The following KCNJ6 variants were observed in gnomAD, a reference collection of about 807,000 sequenced individuals.
KCNJ6 encodes G protein-activated inward rectifier potassium channel 2.
KCNJ6 carries 9 observed loss-of-function variants against 34.2 expected under a neutral mutation model. That is an observed-to-expected ratio of 0.26 (90% CI 0.16 to 0.46). The LOEUF (loss-of-function observed/expected upper bound fraction) is 0.46, where lower values mean the gene tolerates loss of function less well. KCNJ6 is among the 20% of genes least tolerant of loss of function. KCNJ6 has a pLI of 1.00. For synonymous variants in KCNJ6, 196 were observed against 207.1 expected (o/e 0.95, Z 0.46); for missense variants, 236 against 531.3 (o/e 0.44, Z 5.46).
At chr21:37,847,976 G>T (rs1051167172) in intron 1 of KCNJ6, among the ~76,000 whole-genome samples, 2 of 152,180 alleles carry the variant, frequency 1.3e-5, no homozygotes, top group African/African-American at 4.8e-5. Context: ...GGAAAGGTGG[G>T]GAAGCTTGGT....
chr21:37,702,742 A>C (rs1435102795), intron 3 of KCNJ6, among the ~76,000 whole-genome samples: 7 of 152,178 alleles, frequency 4.6e-5, no homozygotes, highest in Non-Finnish European at 1.0e-4. Context: ...ATAGGCTCTG[A>C]GGCATTTTGG....
At chr21:37,681,701 C>T (rs1569444398) in intron 3 of KCNJ6, among the ~76,000 whole-genome samples, 2 of 152,306 alleles carry the variant, frequency 1.3e-5, no homozygotes, top group South Asian at 4.1e-4. Flanking sequence ...TCTATTCATT[C>T]AACCTTTTGT....
At chr21:37,658,101 C>G (rs2054472385) in intron 3 of KCNJ6, among the ~76,000 whole-genome samples, 1 of 150,592 alleles carries the variant, frequency 6.6e-6, no homozygotes, top group Admixed American at 6.6e-5. Context: ...AGAATTGCTT[C>G]TAACCTGGTG....
intron 2 of KCNJ6, among the ~76,000 whole-genome samples, chr21:37,786,602 C>A (rs2055193872): frequency 6.6e-6 from 1 of 152,198 alleles, no homozygotes; most frequent in Admixed American, 6.5e-5. Flanking sequence ...CTATATGCAA[C>A]AAATGGTTCC....
At chr21:37,803,308 C>A (rs2055278330) in intron 2 of KCNJ6, among the ~76,000 whole-genome samples, 1 of 152,106 alleles carries the variant, frequency 6.6e-6, no homozygotes, top group Non-Finnish European at 1.5e-5. Flanking sequence ...AGAGACAGTG[C>A]TGGCCAAGAA....
At chr21:37,863,860 G>GTTTTTTTTTTTTTTTTTT (rs56800970) in intron 1 of KCNJ6, among the ~76,000 whole-genome samples, 1 of 81,078 alleles carries the variant, frequency 1.2e-5, no homozygotes, top group African/African-American at 4.7e-5. Flanking sequence ...TTTTTTTTTT[G>GTTTTTTTTTTTTTTTTTT]TTTTTTTTTT....
intron 2 of KCNJ6, among the ~76,000 whole-genome samples, chr21:37,829,648 G>A (rs1309479179): frequency 6.6e-6 from 1 of 152,222 alleles, no homozygotes; most frequent in Non-Finnish European, 1.5e-5. Context: ...TGGTAATGCA[G>A]TGACTCATGT....
intron 2 of KCNJ6, among the ~76,000 whole-genome samples, chr21:37,730,972 G>T (rs934602378): frequency 1.3e-5 from 2 of 152,212 alleles, no homozygotes; most frequent in African/African-American, 4.8e-5. Flanking sequence ...AGGTGCATAA[G>T]GTTCAGTCAC....
At chr21:37,729,433 C>T (rs1438884827) in intron 2 of KCNJ6, among the ~76,000 whole-genome samples, 1 of 152,166 alleles carries the variant, frequency 6.6e-6, no homozygotes, top group Non-Finnish European at 1.5e-5. Context: ...AAGCAATCCT[C>T]CCACCTCAGC....
chr21:37,659,274 C>T (rs1244915782), intron 3 of KCNJ6, among the ~76,000 whole-genome samples: 1 of 152,122 alleles, frequency 6.6e-6, no homozygotes, highest in African/African-American at 2.4e-5. Flanking sequence ...CATTCCTGAC[C>T]ACGAACTGAG....
intron 2 of KCNJ6, among the ~76,000 whole-genome samples, chr21:37,831,903 A>C (rs888068473): frequency 6.6e-6 from 1 of 152,102 alleles, no homozygotes; most frequent in Admixed American, 6.5e-5. Flanking sequence ...TTTTGGAGAG[A>C]AGAAAGGCAG....
chr21:37,910,656 T>C (rs1000077733), intron 1 of KCNJ6, among the ~76,000 whole-genome samples: 2 of 152,214 alleles, frequency 1.3e-5, no homozygotes, highest in African/African-American at 4.8e-5. Context: ...CAAAATCTAT[T>C]CACTAAAAGA....
At chr21:37,674,644 C>CT (rs1377850044) in intron 3 of KCNJ6, among the ~76,000 whole-genome samples, 1 of 151,460 alleles carries the variant, frequency 6.6e-6, no homozygotes, top group Admixed American at 6.6e-5. Context: ...CCTCCTCTCA[C>CT]CCAGGATGGA....
intron 1 of KCNJ6, among the ~76,000 whole-genome samples, chr21:37,864,597 G>C (rs950510980): frequency 2.6e-5 from 4 of 152,128 alleles, no homozygotes; most frequent in Admixed American, 6.5e-5. Flanking sequence ...CAAATACAAA[G>C]CTTTGAAGAT....
chr21:37,705,193 T>C (rs1263001004), intron 3 of KCNJ6, among the ~76,000 whole-genome samples: 3 of 152,134 alleles, frequency 2.0e-5, no homozygotes, highest in Non-Finnish European at 4.4e-5. Context: ...ATAACCACTA[T>C]CTTGGAGCTC....
chr21:37,801,557 T>C (rs2055269400), intron 2 of KCNJ6, among the ~76,000 whole-genome samples: 1 of 152,162 alleles, frequency 6.6e-6, no homozygotes, highest in African/African-American at 2.4e-5. Flanking sequence ...GGGTCTCTAC[T>C]TGTGCTTTTC....
intron 1 of KCNJ6, among the ~76,000 whole-genome samples, chr21:37,910,080 C>G (rs1020232261): frequency 1.3e-5 from 2 of 152,132 alleles, no homozygotes; most frequent in Non-Finnish European, 2.9e-5. Context: ...TGTTCCAGAC[C>G]AATTCTTGAT....
chr21:37,647,322 G>C (rs150071202), intron 3 of KCNJ6, among the ~76,000 whole-genome samples: 15 of 152,270 alleles, frequency 9.9e-5, no homozygotes, highest in African/African-American at 3.1e-4. Context: ...GCCGACAGAT[G>C]TGTGTATGAG....
chr21:37,769,461 A>G (rs978538856), intron 2 of KCNJ6, among the ~76,000 whole-genome samples: 2 of 147,418 alleles, frequency 1.4e-5, no homozygotes, highest in African/African-American at 5.3e-5. Flanking sequence ...TTTTTTTAGT[A>G]GCAGAACACT....
Sources: allele counts gnomAD v4.1 joint callset (sites outside exome capture counted in the v4.1 genomes callset), GRCh38; gene constraint gnomAD v4.1.1; transcripts MANE v1.5; gene names NCBI Gene and HGNC (gene_info 2026-07-23, HGNC 2026-07-21).